Variants in PDE8A observed in about 807,000 individuals in gnomAD.
PDE8A encodes phosphodiesterase 8A, also known as high affinity cAMP-specific and IBMX-insensitive 3',5'-cyclic phosphodiesterase 8A.
PDE8A carries 59 observed loss-of-function variants against 105.0 expected under a neutral mutation model. That is an observed-to-expected ratio of 0.56 (90% CI 0.46 to 0.70). PDE8A has a LOEUF of 0.70. Among genes scored for constraint, PDE8A ranks in the 30% least tolerant of loss-of-function variants. The pLI is 0.00. For synonymous variants in PDE8A, 355 were observed against 371.9 expected (o/e 0.95, Z 0.52); for missense variants, 1,014 against 1,045.9 (o/e 0.97, Z 0.42).
At chr15:85,137,675 G>A in intron 21 of PDE8A, 122 bp from the exon 22 acceptor site, 2 of 641,304 alleles carry the variant, frequency 3.1e-6, no homozygotes, top group East Asian at 5.6e-5. Flanking sequence ...TGTTTGCCCG[G>A]GTCTGTTTAG....
chr15:84,988,180 G>C (rs182141477), intron 1 of PDE8A, among the ~76,000 whole-genome samples: 1 of 152,168 alleles, frequency 6.6e-6, no homozygotes, highest in Non-Finnish European at 1.5e-5. Context: ...AAACTTGTCC[G>C]AGGTCATACA....
intron 14 of PDE8A, among the ~76,000 whole-genome samples, chr15:85,114,868 A>G (rs1283654978): frequency 2.6e-5 from 4 of 152,168 alleles, no homozygotes; most frequent in Non-Finnish European, 5.9e-5. Context: ...GGAGGCGAGC[A>G]GATGAGAATA....
At chr15:85,049,232 G>A (rs921462863) in intron 1 of PDE8A, among the ~76,000 whole-genome samples, 7 of 152,132 alleles carry the variant, frequency 4.6e-5, no homozygotes, top group Admixed American at 3.9e-4. Flanking sequence ...TTAAGTGTAC[G>A]GTTGAATGGT....
At chr15:85,115,589 A>C in intron 15 of PDE8A, 102 bp downstream of exon 15, 1 of 623,164 alleles carries the variant, frequency 1.6e-6, no homozygotes, top group Non-Finnish European at 2.7e-6. Flanking sequence ...GTTTCTTGGT[A>C]TGTCATAAAG....
At chr15:85,057,042 G>A (rs2081070734) in intron 1 of PDE8A, among the ~76,000 whole-genome samples, 1 of 152,142 alleles carries the variant, frequency 6.6e-6, no homozygotes. Flanking sequence ...TAACAGTCAG[G>A]ACCCTCAACT....
intron 6 of PDE8A, among the ~76,000 whole-genome samples, chr15:85,085,883 A>T (rs188587259): frequency 1.3e-3 from 197 of 151,688 alleles, no homozygotes; most frequent in African/African-American, 4.6e-3. Context: ...GTGGTGGCGC[A>T]TGCCTGTCAT....
chr15:85,104,147 C>T (rs1466694935), intron 11 of PDE8A, among the ~76,000 whole-genome samples: 1 of 152,230 alleles, frequency 6.6e-6, no homozygotes, highest in East Asian at 1.9e-4. Flanking sequence ...TGTTCTAGGT[C>T]AGGCCCTGAG....
intron 20 of PDE8A, among the ~76,000 whole-genome samples, chr15:85,128,052 CA>C (rs61221393): frequency 0.12 from 7,023 of 57,148 alleles, 151 homozygotes; most frequent in African/African-American, 0.28. Context: ...TATTCCTATG[CA>C]AAAAAAAAAA....
intron 11 of PDE8A, among the ~76,000 whole-genome samples, chr15:85,104,270 C>G (rs2081913437): frequency 6.6e-6 from 1 of 152,154 alleles, no homozygotes; most frequent in African/African-American, 2.4e-5. Flanking sequence ...CTGGGGAATG[C>G]TTCCCAGCAA....
chr15:84,997,349 A>G (rs2079996323), intron 1 of PDE8A, among the ~76,000 whole-genome samples: 1 of 151,914 alleles, frequency 6.6e-6, no homozygotes, highest in African/African-American at 2.4e-5. Context: ...GTGCACCACC[A>G]TGCCTGGCTA....
chr15:85,002,716 G>T (rs1281858508), intron 1 of PDE8A, among the ~76,000 whole-genome samples: 2 of 152,136 alleles, frequency 1.3e-5, no homozygotes, highest in Non-Finnish European at 2.9e-5. Flanking sequence ...TAATCCTGTG[G>T]TTGCTTGCTG....
At chr15:84,995,710 C>T (rs1038607260) in intron 1 of PDE8A, among the ~76,000 whole-genome samples, 2 of 152,134 alleles carry the variant, frequency 1.3e-5, no homozygotes, top group Admixed American at 1.3e-4. Context: ...TAATATTACA[C>T]GATTAACTTT....
intron 1 of PDE8A, among the ~76,000 whole-genome samples, chr15:85,028,662 G>C (rs2080559753): frequency 6.6e-6 from 1 of 152,154 alleles, no homozygotes; most frequent in South Asian, 2.1e-4. Context: ...TTAGTTGGGT[G>C]ATTTATTTGC....
intron 1 of PDE8A, among the ~76,000 whole-genome samples, chr15:84,984,426 C>G (rs1450342541): frequency 1.3e-5 from 2 of 152,148 alleles, no homozygotes; most frequent in Admixed American, 6.5e-5. Context: ...AAACTGCTAG[C>G]AATTTAGCAA....
chr15:84,983,656 T>G (rs1480212897), intron 1 of PDE8A, among the ~76,000 whole-genome samples: 1 of 152,250 alleles, frequency 6.6e-6, no homozygotes, highest in Non-Finnish European at 1.5e-5. Flanking sequence ...ATATCAGTGT[T>G]AAGCTGTGTG....
At chr15:85,038,957 A>G (rs2080754777) in intron 1 of PDE8A, among the ~76,000 whole-genome samples, 1 of 152,190 alleles carries the variant, frequency 6.6e-6, no homozygotes. Flanking sequence ...CCCCGTCTCT[A>G]CTAAAGATAC....
intron 3 of PDE8A, 51 bp downstream of exon 3, chr15:85,067,255 C>A: frequency 7.7e-7 from 1 of 1,293,870 alleles, no homozygotes; most frequent in Non-Finnish European, 1.1e-6. Flanking sequence ...TCTGACAATA[C>A]ATGCAGCCTA....
chr15:84,993,968 ATGT>A (rs2079934105), intron 1 of PDE8A, among the ~76,000 whole-genome samples: 1 of 152,164 alleles, frequency 6.6e-6, no homozygotes, highest in Non-Finnish European at 1.5e-5. Context: ...ATTTATTTAA[ATGT>A]TGTCCCCTTA....
chr15:85,138,287 A>G lies in PDE8A; in HGVS notation c.*384A>G, dbSNP rs1485718878. Reference sequence around the variant, plus strand: ...TTACGTTCAGCACTTAAGAACGGCTAATGGCAATAGGATCTTTAGCAACTT... The same window carrying G: ...TTACGTTCAGCACTTAAGAACGGCTGATGGCAATAGGATCTTTAGCAACTT... On this transcript the variant is annotated 3_prime_UTR_variant, in exon 22 of 22. Coordinates refer to ENST00000394553, the MANE Select transcript of PDE8A (RefSeq NM_002605.3). The G allele has an allele frequency of 1.2e-5, 2 of 163,536 alleles. No individual in the cohort carries two copies. The highest frequency in any genetic ancestry group is 2.7e-5 in the Non-Finnish European group (2 of 75,432). The allele number at this position is 163,536 out of a possible 1,614,324, so 10.1% of individuals were successfully genotyped here.
Sources: allele counts gnomAD v4.1 joint callset (sites outside exome capture counted in the v4.1 genomes callset), GRCh38; gene constraint gnomAD v4.1.1; transcripts MANE v1.5; gene names NCBI Gene and HGNC (gene_info 2026-07-23, HGNC 2026-07-21).